Variants in ADGRL2 observed in about 807,000 individuals in gnomAD.
ADGRL2 encodes adhesion G protein-coupled receptor L2.
Under a neutral mutation model 157.4 loss-of-function variants are expected in ADGRL2, and 44 were observed. The ratio of observed to expected loss-of-function variants is 0.28; its 90% CI spans 0.22 to 0.36. The LOEUF is 0.36. Ranked by LOEUF, ADGRL2 falls within the 10% of genes least tolerant of loss-of-function variation. ADGRL2 has a pLI of 1.00. For missense variants in ADGRL2, 1,510 were observed against 1,768.9 expected (o/e 0.85, Z 2.63); for synonymous variants, 585 against 624.7 (o/e 0.94, Z 0.95).
intron 3 of ADGRL2, among the ~76,000 whole-genome samples, chr1:81,600,622 T>C (rs1255438082): frequency 6.6e-6 from 1 of 152,212 alleles, no homozygotes; most frequent in Non-Finnish European, 1.5e-5. Flanking sequence ...AACATGCTCA[T>C]TGAATAGATT....
intron 3 of ADGRL2, among the ~76,000 whole-genome samples, chr1:81,689,624 A>G (rs1021731677): frequency 6.6e-5 from 10 of 152,238 alleles, no homozygotes; most frequent in African/African-American, 2.4e-4. Context: ...ACCACACCCA[A>G]ACCTGTTTGT....
chr1:81,958,622 A>C (rs1045128710), intron 11 of ADGRL2, among the ~76,000 whole-genome samples: 1 of 152,222 alleles, frequency 6.6e-6, no homozygotes, highest in Non-Finnish European at 1.5e-5. Context: ...TCTAATTGTG[A>C]CATTTAAAAA....
At chr1:81,534,309 G>A (rs1330739231) in intron 2 of ADGRL2, among the ~76,000 whole-genome samples, 1 of 151,994 alleles carries the variant, frequency 6.6e-6, no homozygotes, top group Admixed American at 6.6e-5. Flanking sequence ...TTACAGGCAC[G>A]AGGCACCTTG....
At position 81,970,549 on chromosome 1, in the gene ADGRL2, G is replaced by A. The variant is rs1017508260; in HGVS notation, c.2954+15G>A. The A allele has an allele frequency of 6.3e-7, 1 of 1,589,322 alleles. No homozygotes were observed. Among genetic ancestry groups the A allele is most frequent in the Admixed American group, 1.7e-5 (1 of 58,884 alleles). The stretch of plus-strand genomic sequence containing the variant: ...ACAGAAAAAGCGTAAGTAATTGCAA[G>A]CGACCTGAGTGTTTTTCAAGTGAAT... On this transcript the variant is annotated intron_variant, in intron 16 of 23. Coordinates refer to ENST00000686636, the MANE Select transcript of ADGRL2 (RefSeq NM_001366006.2).
At chr1:81,800,608 C>T (rs1366375497), upstream of ADGRL2, 5 of 151,526 alleles carry the variant, frequency 3.3e-5, no homozygotes, top group African/African-American at 9.8e-5. Flanking sequence ...CGCTGGTCAT[C>T]CCCCTGCGCT....
intron 2 of ADGRL2, among the ~76,000 whole-genome samples, chr1:81,895,956 C>G (rs2094379150): frequency 6.6e-6 from 1 of 152,072 alleles, no homozygotes; most frequent in Admixed American, 6.6e-5. Flanking sequence ...GATATGGGAA[C>G]AAATAGCTCA....
chr1:81,795,288 G>A (rs533023062), intron 2 of ADGRL2, among the ~76,000 whole-genome samples: 1 of 152,198 alleles, frequency 6.6e-6, no homozygotes, highest in South Asian at 2.1e-4. Flanking sequence ...ACTGAGGTGG[G>A]AAGATTGCTT....
At chr1:81,666,498 T>A (rs1557549535) in intron 3 of ADGRL2, among the ~76,000 whole-genome samples, 1 of 152,176 alleles carries the variant, frequency 6.6e-6, no homozygotes, top group Non-Finnish European at 1.5e-5. Context: ...TCATTTCTTC[T>A]CCTCTTATTA....
intron 1 of ADGRL2, among the ~76,000 whole-genome samples, chr1:81,425,217 A>G (rs185207300): frequency 6.6e-6 from 1 of 152,294 alleles, no homozygotes; most frequent in African/African-American, 2.4e-5. Context: ...TAGTCAGTAT[A>G]TGTTGACCCT....
At chr1:81,584,112 A>G (rs1422336741) in intron 3 of ADGRL2, among the ~76,000 whole-genome samples, 1 of 152,134 alleles carries the variant, frequency 6.6e-6, no homozygotes, top group Non-Finnish European at 1.5e-5. Flanking sequence ...CTTCTAAGGT[A>G]GAGGGATTTG....
At chr1:81,862,171 A>T (rs2093411265) in intron 2 of ADGRL2, among the ~76,000 whole-genome samples, 1 of 152,168 alleles carries the variant, frequency 6.6e-6, no homozygotes, top group African/African-American at 2.4e-5. Context: ...GACACTTAAT[A>T]TGTTAGTTAT....
intron 1 of ADGRL2, among the ~76,000 whole-genome samples, chr1:81,348,848 A>G (rs1437783419): frequency 6.6e-6 from 1 of 152,216 alleles, no homozygotes; most frequent in African/African-American, 2.4e-5. Flanking sequence ...ATGATAATTA[A>G]AGTAATGCAT....
In ADGRL2 at chr1:81,788,722, A is replaced by AT. The variant is rs113899422; in HGVS notation, c.-101+26881dup. Among the ~76,000 whole-genome samples, 990 of 147,184 alleles carry AT rather than the reference A, an allele frequency of 6.7e-3. 8 individuals carry two copies. The highest frequency in any genetic ancestry group is 0.014 in the African/African-American group (558 of 40,380). ...TTTTCTTCAGAAGTTGGAAATCCAT[A>AT]TTTTTTTTTTTGAGATGGAGTCTTA... On this transcript the variant is annotated intron_variant, in intron 2 of 20. Transcript: ENST00000359929.
intron 6 of ADGRL2, 112 bp from the exon 7 acceptor site, chr1:81,950,077 C>T: frequency 4.8e-6 from 4 of 825,742 alleles, no homozygotes; most frequent in Non-Finnish European, 7.9e-6. Context: ...TGTGGGCAGA[C>T]AGATGGGTAG....
At position 81,503,391 on chromosome 1, in the gene ADGRL2, C is replaced by A. The variant is rs1437432136; in HGVS notation, c.-248+58302C>A. 1.9e-6 allele frequency: 3 copies of A among 1,613,786 alleles called. No homozygotes were observed. In the East Asian group the frequency reaches 6.7e-5, roughly 36 times the overall value. On this transcript the variant is annotated intron_variant, in intron 2 of 24. Coordinates refer to the ADGRL2 transcript ENST00000370721. ...TCGGCAGCAGCGCCAGCAGCAGCAG[C>A]AGCTCTCACTGTTCACCAAGTCCTA...
chr1:81,608,939 G>A (rs1053127111), intron 3 of ADGRL2, among the ~76,000 whole-genome samples: 1 of 152,154 alleles, frequency 6.6e-6, no homozygotes, highest in Non-Finnish European at 1.5e-5. Flanking sequence ...ACTCTGAGAA[G>A]AGATCACCAA....
At chr1:81,858,966 T>C (rs772670109) in intron 2 of ADGRL2, among the ~76,000 whole-genome samples, 1 of 152,176 alleles carries the variant, frequency 6.6e-6, no homozygotes, top group African/African-American at 2.4e-5. Flanking sequence ...TTACTACATA[T>C]TGGACAGTGT....
intron 2 of ADGRL2, chr1:81,502,107 A>G: frequency 6.3e-7 from 1 of 1,597,062 alleles, no homozygotes; most frequent in Non-Finnish European, 8.5e-7. Flanking sequence ...GAAGTTGCAG[A>G]GGTGGCTGAG....
intron 2 of ADGRL2, among the ~76,000 whole-genome samples, chr1:81,772,599 G>A (rs1336172290): frequency 6.6e-6 from 1 of 151,836 alleles, no homozygotes; most frequent in Non-Finnish European, 1.5e-5. Context: ...TGTGGTGGCA[G>A]GCACCTGTAA....
Sources: gnomAD v4.1 joint callset for allele counts (sites outside exome capture counted in the v4.1 genomes callset) on GRCh38, gnomAD v4.1.1 for gene constraint, MANE v1.5 for transcripts, NCBI Gene and HGNC (gene_info 2026-07-23, HGNC 2026-07-21) for gene names.